JMJD1C: variants seen among roughly 807,000 people sequenced by gnomAD.
JMJD1C encodes jumonji domain-containing protein 1C.
A neutral mutation model predicts 245.3 loss-of-function variants in JMJD1C; 31 were observed. That is an observed-to-expected ratio of 0.13 (90% CI 0.09 to 0.17). The LOEUF (loss-of-function observed/expected upper bound fraction) is 0.17, where lower values mean the gene tolerates loss of function less well. Ranked by LOEUF, JMJD1C falls within the 10% of genes least tolerant of loss-of-function variation. JMJD1C has a pLI of 1.00. For missense variants in JMJD1C, 2,691 were observed against 3,000.2 expected, an observed-to-expected ratio of 0.90 and a Z score of 2.41; for synonymous variants, 1,057 against 1,017.4, an observed-to-expected ratio of 1.04 and a Z score of -0.74.
At chr10:63,418,949 C>T (rs184075617) in intron 1 of JMJD1C, among the ~76,000 whole-genome samples, 51 of 151,788 alleles carry the variant, frequency 3.4e-4, no homozygotes, top group Admixed American at 1.8e-3. Context: ...TGGTGGCACG[C>T]GCCTGTAGCC....
At chr10:63,391,275 C>G (rs1313070582) in intron 1 of JMJD1C, among the ~76,000 whole-genome samples, 2 of 152,070 alleles carry the variant, frequency 1.3e-5, no homozygotes, top group African/African-American at 4.8e-5. Context: ...CTTTGGGAGG[C>G]CGAGGCGGGT....
At chr10:63,386,823 C>A (rs1027552577) in intron 1 of JMJD1C, among the ~76,000 whole-genome samples, 1 of 152,202 alleles carries the variant, frequency 6.6e-6, no homozygotes, top group Non-Finnish European at 1.5e-5. Flanking sequence ...CCCACTACTG[C>A]CATTCCTGGC....
chr10:63,333,232 A>G (rs1036048390), intron 2 of JMJD1C, among the ~76,000 whole-genome samples: 1 of 152,186 alleles, frequency 6.6e-6, no homozygotes, highest in Non-Finnish European at 1.5e-5. Flanking sequence ...CTTAAGAAAA[A>G]CAATATCCAT....
intron 2 of JMJD1C, among the ~76,000 whole-genome samples, chr10:63,326,526 C>A (rs1470064848): frequency 6.6e-6 from 1 of 152,066 alleles, no homozygotes; most frequent in African/African-American, 2.4e-5. Flanking sequence ...TGAAGGTCCA[C>A]ATCAGACTGG....
intron 1 of JMJD1C, among the ~76,000 whole-genome samples, chr10:63,456,981 C>G (rs1443183651): frequency 2.0e-5 from 3 of 152,090 alleles, no homozygotes; most frequent in Non-Finnish European, 4.4e-5. Context: ...CTTTTCCATT[C>G]ATTCTTTCAT....
chr10:63,505,824 C>T (rs1954701838), intron 1 of JMJD1C, among the ~76,000 whole-genome samples: 1 of 118,522 alleles, frequency 8.4e-6, no homozygotes, highest in East Asian at 2.9e-4. Flanking sequence ...CCCCACAGTA[C>T]CCACCCCCCA....
At chr10:63,484,086 A>G (rs1054808792) in intron 1 of JMJD1C, among the ~76,000 whole-genome samples, 7 of 152,154 alleles carry the variant, frequency 4.6e-5, no homozygotes, top group South Asian at 2.1e-4. Context: ...CTTCACAGTG[A>G]TAGGAAGTGA....
chr10:63,236,208 C>CAG (rs1850711678), intron 3 of JMJD1C, among the ~76,000 whole-genome samples: 2 of 152,086 alleles, frequency 1.3e-5, no homozygotes, highest in Non-Finnish European at 2.9e-5. Flanking sequence ...AATAGGGTTT[C>CAG]TTGGTTGATC....
intron 2 of JMJD1C, among the ~76,000 whole-genome samples, chr10:63,377,556 A>G (rs890966681): frequency 3.3e-5 from 5 of 152,024 alleles, no homozygotes; most frequent in Admixed American, 2.0e-4. Flanking sequence ...AATATGTTGA[A>G]AAACCCTGTC....
chr10:63,305,384 CAAA>C (rs1564760720), intron 2 of JMJD1C, among the ~76,000 whole-genome samples: 1 of 68,538 alleles, frequency 1.5e-5, no homozygotes, highest in Non-Finnish European at 4.0e-5. Context: ...AAACAAAAAA[CAAA>C]AAAGGTTGCA....
intron 1 of JMJD1C, among the ~76,000 whole-genome samples, chr10:63,488,241 C>T (rs1954060239): frequency 6.6e-6 from 1 of 152,190 alleles, no homozygotes; most frequent in African/African-American, 2.4e-5. Flanking sequence ...AAGGAAGGCC[C>T]TCCTAATATG....
chr10:63,359,037 T>TG (rs1484254768), intron 2 of JMJD1C: 1 of 153,656 alleles, frequency 6.5e-6, no homozygotes, highest in East Asian at 1.9e-4. Context: ...CCATTTCATA[T>TG]TCTTTGAGCA....
chr10:63,238,721 A>G (rs1445489552), intron 3 of JMJD1C, among the ~76,000 whole-genome samples: 1 of 152,192 alleles, frequency 6.6e-6, no homozygotes, highest in Non-Finnish European at 1.5e-5. Context: ...CTCATATGCT[A>G]TGGTAAGGGA....
intron 1 of JMJD1C, among the ~76,000 whole-genome samples, chr10:63,433,096 A>T (rs551330045): frequency 8.9e-5 from 13 of 146,126 alleles, no homozygotes; most frequent in East Asian, 7.9e-4. Context: ...TATTATTATC[A>T]TTTTTTTTTT....
intron 1 of JMJD1C, among the ~76,000 whole-genome samples, chr10:63,393,129 G>A (rs545045555): frequency 2.0e-5 from 3 of 152,138 alleles, no homozygotes; most frequent in East Asian, 3.9e-4. Context: ...TTAGCCGGAT[G>A]TGGTGGTGGA....
At chr10:63,383,206 G>A (rs2134523126) in intron 1 of JMJD1C, among the ~76,000 whole-genome samples, 1 of 93,150 alleles carries the variant, frequency 1.1e-5, no homozygotes, top group Non-Finnish European at 2.1e-5. Context: ...CTGCCCACTA[G>A]GAAGCTTCTT....
intron 2 of JMJD1C, among the ~76,000 whole-genome samples, chr10:63,346,824 C>T (rs1241341180): frequency 6.6e-6 from 1 of 152,110 alleles, no homozygotes; most frequent in African/African-American, 2.4e-5. Flanking sequence ...TCGTATCATT[C>T]AGTGTCATAC....
intron 2 of JMJD1C, among the ~76,000 whole-genome samples, chr10:63,277,727 A>ATTTTTTTTTTTTTTTTT (rs1389505532): frequency 4.8e-5 from 4 of 83,160 alleles, no homozygotes; most frequent in African/African-American, 1.6e-4. Flanking sequence ...AGTAATTTGC[A>ATTTTTTTTTTTTTTTTT]TTTCTTTTTT....
intron 24 of JMJD1C, among the ~76,000 whole-genome samples, chr10:63,173,127 TTTTGAATTTTTCTG>T (rs1318841635): frequency 6.6e-6 from 1 of 152,112 alleles, no homozygotes; most frequent in Non-Finnish European, 1.5e-5. Flanking sequence ...CTTTTTATAC[TTTTGAATTTTTCTG>T]TTTATGTATT....
Sources: gnomAD v4.1 joint callset for allele counts (sites outside exome capture counted in the v4.1 genomes callset) on GRCh38, gnomAD v4.1.1 for gene constraint, MANE v1.5 for transcripts, NCBI Gene and HGNC (gene_info 2026-07-23, HGNC 2026-07-21) for gene names.